The following HMGCLL1 variants were observed in gnomAD, a reference collection of about 807,000 sequenced individuals.
The protein encoded by HMGCLL1 is 3-hydroxy-3-methylglutaryl-CoA lyase like 1, also known as 3-hydroxymethyl-3-methylglutaryl-CoA lyase, cytoplasmic.
Under a neutral mutation model 39.1 loss-of-function variants are expected in HMGCLL1, and 36 were observed. That is an observed-to-expected ratio of 0.92 (90% confidence interval 0.71 to 1.22). The LOEUF (loss-of-function observed/expected upper bound fraction) is 1.22. Ranked by LOEUF, HMGCLL1 falls within the 50% of genes most tolerant of loss-of-function variation. The pLI, the probability that HMGCLL1 is intolerant of heterozygous loss-of-function variation, is 0.00. For missense variants in HMGCLL1, 451 were observed against 416.5 expected (o/e 1.08, Z -0.72); for synonymous variants, 149 against 144.0 (o/e 1.03, Z -0.25).
intron 6 of HMGCLL1, among the ~76,000 whole-genome samples, chr6:55,496,409 A>T (rs1276645980): frequency 1.3e-5 from 2 of 152,286 alleles, no homozygotes; most frequent in East Asian, 3.9e-4. Context: ...CTGAATCATA[A>T]CTGCATAAAA....
the HMGCLL1 span, among the ~76,000 whole-genome samples, chr6:55,627,138 T>C: frequency 1.3e-5 from 2 of 151,292 alleles, no homozygotes; most frequent in South Asian, 4.2e-4. Context: ...AAGAAGGTAG[T>C]CATCAATACC....
chr6:55,576,989 C>T, intron 1 of HMGCLL1: 1 of 1,546,074 alleles, frequency 6.5e-7, no homozygotes, highest in Non-Finnish European at 8.9e-7. Flanking sequence ...CACTGGTACA[C>T]AAACAGTAAT....
the HMGCLL1 span, among the ~76,000 whole-genome samples, chr6:55,622,754 C>G: frequency 7.6e-3 from 1,153 of 152,094 alleles, 7 homozygotes; most frequent in Non-Finnish European, 0.011. Flanking sequence ...GCCTTAATAT[C>G]AGGGTAATAT....
intron 5 of HMGCLL1, among the ~76,000 whole-genome samples, chr6:55,500,607 T>C (rs1338454576): frequency 6.6e-6 from 1 of 151,850 alleles, no homozygotes; most frequent in African/African-American, 2.4e-5. Flanking sequence ...TTATGAGGGA[T>C]AGAAAAGGAT....
the HMGCLL1 span, among the ~76,000 whole-genome samples, chr6:55,603,111 C>T: frequency 5.9e-5 from 9 of 152,040 alleles, no homozygotes; most frequent in South Asian, 2.1e-4. Context: ...TTAAGTCTAC[C>T]GCCTCTTCAG....
chr6:55,625,510 C>A, the HMGCLL1 span, among the ~76,000 whole-genome samples: 14,458 of 152,110 alleles, frequency 0.095, 893 homozygotes, highest in Middle Eastern at 0.15. Flanking sequence ...GCCTGGTTCA[C>A]AGATGGTTCT....
intron 3 of HMGCLL1, among the ~76,000 whole-genome samples, chr6:55,522,591 C>T (rs1434753083): frequency 2.0e-5 from 3 of 151,922 alleles, no homozygotes; most frequent in African/African-American, 4.8e-5. Flanking sequence ...ATTAACTCCC[C>T]GCTGCACCGG....
chr6:55,648,905 C>T, the HMGCLL1 span, among the ~76,000 whole-genome samples: 1 of 144,462 alleles, frequency 6.9e-6, no homozygotes, highest in Non-Finnish European at 1.5e-5. Context: ...CGGGCAGAGA[C>T]ACAACCAAAA....
intron 7 of HMGCLL1, among the ~76,000 whole-genome samples, chr6:55,474,445 G>T (rs990950152): frequency 1.3e-5 from 2 of 150,690 alleles, no homozygotes; most frequent in African/African-American, 4.9e-5. Context: ...ATTTCTATTA[G>T]TTTTTTTTTC....
At chr6:55,670,216 A>G in the HMGCLL1 span, among the ~76,000 whole-genome samples, 1 of 151,792 alleles carries the variant, frequency 6.6e-6, no homozygotes, top group Admixed American at 6.6e-5. Flanking sequence ...TCAGCCTGGA[A>G]AGAGAACTGT....
At chr6:55,579,421 G>T (rs550723475), upstream of HMGCLL1, among the ~76,000 whole-genome samples, 23 of 152,304 alleles carry the variant, frequency 1.5e-4, no homozygotes, top group South Asian at 4.6e-3. Context: ...ACCTGGCATA[G>T]ATCAGGTGTA....
intron 6 of HMGCLL1, among the ~76,000 whole-genome samples, chr6:55,495,856 CT>C (rs1303303531): frequency 6.6e-6 from 1 of 152,022 alleles, no homozygotes; most frequent in Non-Finnish European, 1.5e-5. Flanking sequence ...ATCTACCTAT[CT>C]TTTTATCCAG....
chr6:55,643,830 A>C, the HMGCLL1 span, among the ~76,000 whole-genome samples: 5 of 152,090 alleles, frequency 3.3e-5, no homozygotes, highest in Middle Eastern at 3.4e-3. Flanking sequence ...GTTTCTCTCA[A>C]ATCTTGGTTA....
chr6:55,531,815 A>G (rs954466375), intron 3 of HMGCLL1, among the ~76,000 whole-genome samples: 1 of 152,162 alleles, frequency 6.6e-6, no homozygotes, highest in Non-Finnish European at 1.5e-5. Context: ...TTCACTCCTC[A>G]TGAGAATCTA....
At chr6:55,551,137 T>A (rs1367321753) in intron 1 of HMGCLL1, among the ~76,000 whole-genome samples, 1 of 151,722 alleles carries the variant, frequency 6.6e-6, no homozygotes. Context: ...ATAAAGTAAT[T>A]CATATAATCT....
intron 7 of HMGCLL1, among the ~76,000 whole-genome samples, chr6:55,477,308 A>ATAATATATAT (rs1561904857): frequency 7.0e-5 from 1 of 14,292 alleles, no homozygotes; most frequent in Non-Finnish European, 9.4e-5. Flanking sequence ...TATATATTAT[A>ATAATATATAT]TATATAATAT....
chr6:55,574,123 G>A (rs1771650036), intron 1 of HMGCLL1, among the ~76,000 whole-genome samples: 2 of 151,638 alleles, frequency 1.3e-5, no homozygotes, highest in South Asian at 4.2e-4. Flanking sequence ...ATGTGTGTGT[G>A]TATATATATA....
chr6:55,623,474 A>G, the HMGCLL1 span, among the ~76,000 whole-genome samples: 1 of 151,756 alleles, frequency 6.6e-6, no homozygotes, highest in Non-Finnish European at 1.5e-5. Flanking sequence ...AAGAAATTTT[A>G]AAATTTCTTT....
At chr6:55,495,810 ATCTTTT>A (rs1474911640) in intron 6 of HMGCLL1, among the ~76,000 whole-genome samples, 11 of 152,156 alleles carry the variant, frequency 7.2e-5, no homozygotes, top group African/African-American at 2.7e-4. Context: ...TATTGCAATT[ATCTTTT>A]TCTAATATTC....
Sources: allele counts gnomAD v4.1 joint callset (sites outside exome capture counted in the v4.1 genomes callset), GRCh38; gene constraint gnomAD v4.1.1; transcripts MANE v1.5; gene names NCBI Gene and HGNC (gene_info 2026-07-23, HGNC 2026-07-21).